TRAM1: variants seen among roughly 807,000 people sequenced by gnomAD.
TRAM1 encodes translocation associated membrane protein 1, also known as translocating chain-associated membrane protein 1.
TRAM1 carries 17 observed loss-of-function variants against 48.7 expected under a neutral mutation model. The observed-to-expected ratio is 0.35, with a 90% CI of 0.24 to 0.52. The LOEUF (loss-of-function observed/expected upper bound fraction) is 0.52. Ranked by LOEUF, TRAM1 falls within the 20% of genes least tolerant of loss-of-function variation. The pLI, the probability that TRAM1 is intolerant of heterozygous loss-of-function variation, is 0.94. For missense variants in TRAM1, 351 were observed against 441.5 expected (o/e 0.79, Z 1.84); for synonymous variants, 182 against 154.0 (o/e 1.18, Z -1.34).
intron 8 of TRAM1, among the ~76,000 whole-genome samples, chr8:70,586,118 T>TA (rs1817212424): frequency 6.6e-6 from 1 of 151,824 alleles, no homozygotes. Context: ...TTCATGTCCT[T>TA]TGCAGGGACA....
chr8:70,583,876 G>A, intron 8 of TRAM1, 83 bp from the exon 9 acceptor site: 1 of 1,443,530 alleles, frequency 6.9e-7, no homozygotes, highest in Non-Finnish European at 9.2e-7. Context: ...AGTTGGGCGT[G>A]GTGGCAGACG....
chr8:70,596,388 C>G, intron 4 of TRAM1, 67 bp from the exon 5 acceptor site: 1 of 1,204,874 alleles, frequency 8.3e-7, no homozygotes, highest in Non-Finnish European at 1.2e-6. Context: ...TAAGGCATTA[C>G]TTTCATTTCT....
At chr8:70,591,191 C>T (rs893955628) in intron 6 of TRAM1, among the ~76,000 whole-genome samples, 2 of 152,142 alleles carry the variant, frequency 1.3e-5, no homozygotes, top group Non-Finnish European at 2.9e-5. Flanking sequence ...AGGCTGGTCT[C>T]AAACTCCTGG....
chr8:70,607,184 C>T (rs1817738975), intron 1 of TRAM1: 2 of 985,174 alleles, frequency 2.0e-6, no homozygotes, highest in South Asian at 4.7e-5. Context: ...GGATGTTACT[C>T]GTTCACCTTG....
intron 10 of TRAM1, among the ~76,000 whole-genome samples, chr8:70,580,409 C>T (rs1050033502): frequency 1.1e-4 from 17 of 152,088 alleles, no homozygotes; most frequent in Middle Eastern, 3.2e-3. Flanking sequence ...ATCTGAAAAT[C>T]AATCTAATCT....
intron 6 of TRAM1, among the ~76,000 whole-genome samples, chr8:70,591,047 G>A (rs939572520): frequency 2.8e-4 from 43 of 151,904 alleles, no homozygotes; most frequent in Non-Finnish European, 4.9e-4. Flanking sequence ...ACAAGGGGTG[G>A]TAGGAATTGT....
At chr8:70,580,259 A>G (rs573499304) in intron 10 of TRAM1, among the ~76,000 whole-genome samples, 18 of 152,316 alleles carry the variant, frequency 1.2e-4, no homozygotes, top group African/African-American at 4.3e-4. Context: ...CAAGAAAAAT[A>G]TACTCCAATT....
intron 4 of TRAM1, among the ~76,000 whole-genome samples, chr8:70,597,436 C>A (rs1817512180): frequency 6.6e-6 from 1 of 151,860 alleles, no homozygotes; most frequent in Admixed American, 6.6e-5. Flanking sequence ...CTTTGGGAGG[C>A]CGAGGCGGGT....
intron 6 of TRAM1, among the ~76,000 whole-genome samples, chr8:70,593,287 TTAAC>T (rs1817407189): frequency 6.6e-6 from 1 of 152,004 alleles, no homozygotes; most frequent in African/African-American, 2.4e-5. Context: ...AGTCCATGAA[TTAAC>T]TATTTGTAGC....
intron 1 of TRAM1, among the ~76,000 whole-genome samples, chr8:70,604,188 A>G (rs1189482930): frequency 3.3e-5 from 5 of 152,252 alleles, no homozygotes; most frequent in African/African-American, 1.2e-4. Flanking sequence ...ATAGGTTACC[A>G]GAAACTGTAA....
At chr8:70,600,948 C>T (rs1490974743) in intron 1 of TRAM1, among the ~76,000 whole-genome samples, 1 of 152,144 alleles carries the variant, frequency 6.6e-6, no homozygotes, top group Non-Finnish European at 1.5e-5. Flanking sequence ...AGGCCAGGCA[C>T]AGGATGCACA....
intron 10 of TRAM1, among the ~76,000 whole-genome samples, chr8:70,580,722 G>A (rs1357078839): frequency 6.7e-6 from 1 of 149,846 alleles, no homozygotes; most frequent in Non-Finnish European, 1.5e-5. Flanking sequence ...GCAAGAAAAT[G>A]CAATAGAAAG....
intron 2 of TRAM1, 90 bp from the exon 3 acceptor site, chr8:70,598,345 G>T (rs1042759823): frequency 1.5e-6 from 2 of 1,306,716 alleles, no homozygotes; most frequent in East Asian, 2.7e-5. Flanking sequence ...AAACAAAGAA[G>T]AATAACCTAA....
intron 1 of TRAM1, among the ~76,000 whole-genome samples, chr8:70,600,665 G>A (rs1408488832): frequency 6.6e-6 from 1 of 152,046 alleles, no homozygotes; most frequent in African/African-American, 2.4e-5. Flanking sequence ...AGATGAAGAT[G>A]GATAAAATAA....
chr8:70,608,165 G>T lies in TRAM1; in HGVS notation c.35C>A (p.Pro12Gln). The T allele has an allele frequency of 1.9e-6, 3 of 1,594,428 alleles. No individual in the cohort carries two copies. Among genetic ancestry groups the T allele is most frequent in the East Asian group, 4.8e-5 (2 of 41,732 alleles). ...AIRKKSTKSP[P>Q]VLSHEFVLQN... ...CAGGACGAATTCGTGGCTCAGCACTGGGGGGCTCTTGGTGCTTTTCTTGCG... is the reference window on the plus strand; with the variant it reads ...CAGGACGAATTCGTGGCTCAGCACTTGGGGGCTCTTGGTGCTTTTCTTGCG... Residue 12 changes from proline (P) to glutamine (Q), a missense_variant, in exon 1 of 11, where the codon CCA becomes CAA. Transcript: ENST00000262213.
rs1816865546 is a variant in TRAM1, at chr8:70,573,533, A to T, written c.*1399T>A. The T allele has an allele frequency of 6.6e-6, 1 of 152,628 alleles. No individual in the cohort carries two copies. Among genetic ancestry groups the T allele is most frequent in the African/African-American group, 2.4e-5 (1 of 41,450 alleles). The allele number at this position is 152,628 out of a possible 1,614,324, so 9.5% of individuals were successfully genotyped here. On this transcript the variant is annotated 3_prime_UTR_variant, in exon 11 of 11. Transcript: ENST00000262213. The stretch of plus-strand genomic sequence containing the variant: ...TAATGGCAAAAATTTGGTTCCACTG[A>T]AACTCCATAATGCTACAGAGAGCTA...
At chr8:70,588,963 T>C (rs1324436723) in intron 6 of TRAM1, among the ~76,000 whole-genome samples, 1 of 152,228 alleles carries the variant, frequency 6.6e-6, no homozygotes, top group African/African-American at 2.4e-5. Context: ...TCACTAAACT[T>C]ATCTCTTGCA....
chr8:70,590,265 G>T (rs1817324244), intron 6 of TRAM1, among the ~76,000 whole-genome samples: 1 of 151,180 alleles, frequency 6.6e-6, no homozygotes, highest in Non-Finnish European at 1.5e-5. Context: ...TGGTCAATTA[G>T]CAGAGAACCT....
chr8:70,593,784 G>A (rs1489432960), intron 6 of TRAM1, among the ~76,000 whole-genome samples: 2 of 152,006 alleles, frequency 1.3e-5, no homozygotes, highest in Non-Finnish European at 2.9e-5. Flanking sequence ...GGCGATGGGA[G>A]AAACTCTCAG....
Sources: gnomAD v4.1 joint callset for allele counts (sites outside exome capture counted in the v4.1 genomes callset) on GRCh38, gnomAD v4.1.1 for gene constraint, MANE v1.5 for transcripts, NCBI Gene and HGNC (gene_info 2026-07-23, HGNC 2026-07-21) for gene names.